RIN3: variants seen among roughly 807,000 people sequenced by gnomAD.
RIN3 encodes the protein Ras and Rab interactor 3, also known as RAB5 interacting protein 3.
RIN3 carries 54 observed loss-of-function variants against 76.3 expected under a neutral mutation model. The observed-to-expected ratio is 0.71, with a 90% CI of 0.57 to 0.89. RIN3 has a LOEUF of 0.89. RIN3 is among the 40% of genes least tolerant of loss of function. RIN3 has a pLI of 0.00. For synonymous variants in RIN3, 576 were observed against 564.0 expected (o/e 1.02, Z -0.30); for missense variants, 1,256 against 1,322.1 (o/e 0.95, Z 0.78).
At chr14:92,523,659 A>ATT (rs34064948) in intron 1 of RIN3, among the ~76,000 whole-genome samples, 5 of 151,726 alleles carry the variant, frequency 3.3e-5, no homozygotes, top group East Asian at 3.9e-4. Flanking sequence ...GATTGCAAAC[A>ATT]TTTTTTTTTC....
intron 2 of RIN3, among the ~76,000 whole-genome samples, chr14:92,558,768 G>A (rs1308989629): frequency 6.6e-6 from 1 of 152,256 alleles, no homozygotes; most frequent in Non-Finnish European, 1.5e-5. Context: ...CCACCGGAAG[G>A]GTGAGGGAGC....
At chr14:92,588,983 C>T (rs138763038) in intron 3 of RIN3, among the ~76,000 whole-genome samples, 5 of 152,164 alleles carry the variant, frequency 3.3e-5, no homozygotes, top group South Asian at 2.1e-4. Flanking sequence ...AGCAGAGGAG[C>T]GGGAACCTGT....
chr14:92,572,036 G>A (rs1898073896), intron 2 of RIN3, among the ~76,000 whole-genome samples: 1 of 152,162 alleles, frequency 6.6e-6, no homozygotes, highest in Non-Finnish European at 1.5e-5. Flanking sequence ...AAGCTTTACA[G>A]CAGGAACAAA....
chr14:92,573,252 T>C (rs1898115928), intron 2 of RIN3, among the ~76,000 whole-genome samples: 2 of 152,100 alleles, frequency 1.3e-5, no homozygotes, highest in South Asian at 4.2e-4. Flanking sequence ...ACAAATCAGG[T>C]TATTAGATTT....
At chr14:92,564,132 GA>G (rs1264840854) in intron 2 of RIN3, among the ~76,000 whole-genome samples, 1 of 152,242 alleles carries the variant, frequency 6.6e-6, no homozygotes, top group Non-Finnish European at 1.5e-5. Context: ...AACAGAAGTG[GA>G]AAAGCAGATA....
intron 2 of RIN3, among the ~76,000 whole-genome samples, chr14:92,562,000 G>A (rs531466690): frequency 3.9e-5 from 6 of 152,190 alleles, no homozygotes; most frequent in African/African-American, 1.2e-4. Context: ...TTTACCTAGC[G>A]TCTTTTCTCT....
intron 1 of RIN3, among the ~76,000 whole-genome samples, chr14:92,517,936 G>T (rs1463996780): frequency 6.6e-6 from 1 of 152,126 alleles, no homozygotes; most frequent in African/African-American, 2.4e-5. Context: ...CTATTTAAAA[G>T]GTCCCTCAAG....
chr14:92,673,385 AGGT>A (rs1329897797), intron 7 of RIN3, among the ~76,000 whole-genome samples: 1 of 152,222 alleles, frequency 6.6e-6, no homozygotes, highest in Admixed American at 6.5e-5. Flanking sequence ...TGTTTCTCTC[AGGT>A]GTATATATAA....
intron 4 of RIN3, among the ~76,000 whole-genome samples, chr14:92,618,369 T>C (rs1005927992): frequency 6.6e-6 from 1 of 152,158 alleles, no homozygotes; most frequent in Admixed American, 6.5e-5. Flanking sequence ...GAAACACCCC[T>C]GGTTAGCCTT....
At chr14:92,680,249 G>T (rs1165677082) in intron 8 of RIN3, among the ~76,000 whole-genome samples, 1 of 150,284 alleles carries the variant, frequency 6.7e-6, no homozygotes, top group Admixed American at 6.6e-5. Flanking sequence ...ACCCGGACTG[G>T]AGTGCAGTGC....
chr14:92,596,417 A>G (rs980308697), intron 3 of RIN3, among the ~76,000 whole-genome samples: 2 of 152,268 alleles, frequency 1.3e-5, no homozygotes, highest in East Asian at 3.9e-4. Context: ...GTGCCCCCGG[A>G]TGTAACTGGG....
Position 92,615,454 on chromosome 14 carries a change from T to C in RIN3, c.415T>C (p.Leu139=), listed in dbSNP as rs745316173. The C allele has an allele frequency of 1.9e-6, 3 of 1,614,052 alleles. No individual in the cohort carries two copies. The highest frequency in any genetic ancestry group is 2.2e-5 in the South Asian group (2 of 91,076). Residue 139 remains leucine, a synonymous_variant, in exon 4 of 10, where the codon TTG becomes CTG. Coordinates refer to ENST00000216487, the MANE Select transcript of RIN3 (RefSeq NM_024832.5). ...TCTTGTGTTTGAGGACATCTTCAGA[T>C]TGATTGCGTTCTACTGTGTCAGTAG... The part of the protein sequence containing the change: ...SALVFEDIFR[L]IAFYCVSRDL...
At chr14:92,675,303 T>G (rs1469611253) in intron 7 of RIN3, among the ~76,000 whole-genome samples, 1 of 152,246 alleles carries the variant, frequency 6.6e-6, no homozygotes, top group African/African-American at 2.4e-5. Flanking sequence ...TTTTCAAATT[T>G]TTATTTAGAT....
chr14:92,649,631 A>G (rs892319655), intron 5 of RIN3, among the ~76,000 whole-genome samples: 12 of 152,214 alleles, frequency 7.9e-5, no homozygotes, highest in African/African-American at 2.7e-4. Flanking sequence ...GCATACATGG[A>G]GGAGCCATGC....
At chr14:92,615,341 C>T (rs1885914195) in intron 3 of RIN3, 66 bp from the exon 4 acceptor site, 4 of 1,399,990 alleles carry the variant, frequency 2.9e-6, no homozygotes, top group Admixed American at 3.4e-5. Flanking sequence ...ATCCTTGCCA[C>T]CTCCTTCCCC....
chr14:92,548,623 G>A (rs1897340963), intron 1 of RIN3, among the ~76,000 whole-genome samples: 1 of 152,010 alleles, frequency 6.6e-6, no homozygotes, highest in African/African-American at 2.4e-5. Context: ...GCACTCCTTG[G>A]CTTGGGGCAT....
intron 8 of RIN3, among the ~76,000 whole-genome samples, chr14:92,679,218 T>G (rs1436104883): frequency 6.6e-6 from 1 of 152,200 alleles, no homozygotes; most frequent in East Asian, 1.9e-4. Context: ...CAGACTTGAG[T>G]AGGCAGAGCC....
chr14:92,615,350 C>T (rs370309822), intron 3 of RIN3, 57 bp from the exon 4 acceptor site: 5 of 1,469,354 alleles, frequency 3.4e-6, no homozygotes, highest in African/African-American at 2.8e-5. Context: ...ACCTCCTTCC[C>T]CCATTTTCCT....
chr14:92,562,533 G>A (rs1318875147), intron 2 of RIN3, among the ~76,000 whole-genome samples: 4 of 152,130 alleles, frequency 2.6e-5, no homozygotes, highest in Admixed American at 2.0e-4. Context: ...TATCATTGTG[G>A]AATCAGGGGC....
Sources: gnomAD v4.1 joint callset for allele counts (sites outside exome capture counted in the v4.1 genomes callset) on GRCh38, gnomAD v4.1.1 for gene constraint, MANE v1.5 for transcripts, NCBI Gene and HGNC (gene_info 2026-07-23, HGNC 2026-07-21) for gene names.